KCTD15: variants seen among roughly 807,000 people sequenced by gnomAD.
KCTD15 encodes BTB/POZ domain-containing protein KCTD15.
A neutral mutation model predicts 27.2 loss-of-function variants in KCTD15; 11 were observed. The observed-to-expected ratio is 0.41, with a 90% CI of 0.25 to 0.67. The LOEUF (loss-of-function observed/expected upper bound fraction) is 0.67, where lower values mean the gene tolerates loss of function less well. Ranked by LOEUF, KCTD15 falls within the 30% of genes least tolerant of loss-of-function variation. KCTD15 has a pLI of 0.35. For synonymous variants in KCTD15, 163 were observed against 176.0 expected (o/e 0.93, Z 0.58); for missense variants, 350 against 409.3 (o/e 0.86, Z 1.25).
rs1247118030 is a variant in KCTD15, at chr19:33,811,174, G to A, written c.388-73G>A. 6 of 1,069,396 alleles carry A rather than the reference G, an allele frequency of 5.6e-6. No homozygotes were observed. The African/African-American group carries it at 6.4e-5, about 11-fold the overall frequency. The allele number at this position is 1,069,396 out of a possible 1,614,324, so 66.2% of individuals were successfully genotyped here. A position where few individuals can be genotyped will look rare whatever the true frequency, so the allele number is the denominator to read the frequency against. On this transcript the variant is annotated intron_variant, in intron 5 of 6. Coordinates refer to ENST00000683859, the MANE Select transcript of KCTD15 (RefSeq NM_001129994.2). ...CAGAATTGGTTGGAACCGGCAGGCC[G>A]CCTCCCCTCTCCCCCTTCCCCCACC...
chr19:33,806,717 C>G, intron 4 of KCTD15, 146 bp from the exon 5 acceptor site: 1 of 839,170 alleles, frequency 1.2e-6, no homozygotes, highest in Non-Finnish European at 1.8e-6. Context: ...CAGATGTTGT[C>G]AGGCCTGGAA....
chr19:33,806,593 G>GT (rs1191845703), intron 4 of KCTD15, among the ~76,000 whole-genome samples: 2 of 152,184 alleles, frequency 1.3e-5, no homozygotes, highest in Non-Finnish European at 2.9e-5. Flanking sequence ...CATAACGTGT[G>GT]TTGGCAGGCT....
rs1975994171 is a variant in KCTD15, at chr19:33,813,408, C to G, written c.*460C>G. 2.2e-6 allele frequency: 1 copy of G among 459,406 alleles called. No homozygotes were observed. The highest frequency in any genetic ancestry group is 2.3e-5 in the Admixed American group (1 of 42,616). The allele number at this position is 459,406 out of a possible 1,614,324, so 28.5% of individuals were successfully genotyped here. A position where few individuals can be genotyped will look rare whatever the true frequency, so the allele number is the denominator to read the frequency against. ...GCCCTAACTGCAAAAGTCAGAGAGG[C>G]TGACAAGGACCAATGCTTCTTTATC... On this transcript the variant is annotated 3_prime_UTR_variant, in exon 7 of 7. Coordinates refer to ENST00000683859, the MANE Select transcript of KCTD15 (RefSeq NM_001129994.2).
chr19:33,812,851 A>G lies in KCTD15; in HGVS notation c.755A>G (p.Asp252Gly). ...GCTGCGTCCTGTGGGGGCGGTGTGGACTCCTCCCAGTTCAGCGAGTATGTG... is the reference window on the plus strand; with the variant it reads ...GCTGCGTCCTGTGGGGGCGGTGTGGGCTCCTCCCAGTTCAGCGAGTATGTG... ...SVAASCGGGV[D>G]SSQFSEYVLC... The change falls in exon 7 of 7, where the codon GAC (aspartate) becomes GGC (glycine). Residue 252 changes from aspartate to glycine, a missense_variant. Asp to Gly is a moderately conservative substitution (Grantham distance 94, BLOSUM62 -1). Around this residue, in one of 3 missense-constraint regions of KCTD15, gnomAD observed 219 missense variants for 234.9 expected, o/e 0.93. Transcript: ENST00000683859. 1.3e-6 allele frequency: 2 copies of G among 1,538,616 alleles called. No homozygotes were observed. Among genetic ancestry groups the G allele is most frequent in the Non-Finnish European group, 1.8e-6 (2 of 1,140,746 alleles).
chr19:33,798,030 A>C (rs1975403691), intron 1 of KCTD15, among the ~76,000 whole-genome samples: 1 of 151,664 alleles, frequency 6.6e-6, no homozygotes, highest in African/African-American at 2.4e-5. Context: ...CCTTGGCCCA[A>C]GCCCTCTCCC....
intron 3 of KCTD15, among the ~76,000 whole-genome samples, 190 bp from the exon 4 acceptor site, chr19:33,800,977 A>G (rs1399189655): frequency 6.6e-6 from 1 of 152,170 alleles, no homozygotes; most frequent in Admixed American, 6.5e-5. Flanking sequence ...TTTGAAGAAA[A>G]TGATGCAAAT....
At chr19:33,801,427 C>T in intron 4 of KCTD15, 85 bp downstream of exon 4, 2 of 1,216,578 alleles carry the variant, frequency 1.6e-6, no homozygotes, top group Non-Finnish European at 2.2e-6. Flanking sequence ...GGGTCTCTCC[C>T]CACTGTCACT....
chr19:33,797,516 C>T (rs887208466), intron 1 of KCTD15: 1 of 384,846 alleles, frequency 2.6e-6, no homozygotes, highest in South Asian at 1.8e-5. Flanking sequence ...GAGGGGCTGT[C>T]GCGCTGGTGG....
At chr19:33,809,169 C>G (rs969457720) in intron 5 of KCTD15, among the ~76,000 whole-genome samples, 1 of 151,858 alleles carries the variant, frequency 6.6e-6, no homozygotes, top group Non-Finnish European at 1.5e-5. Context: ...CCCAGCTACT[C>G]GGGAGACTGA....
chr19:33,802,934 C>T (rs1975604649), intron 4 of KCTD15, among the ~76,000 whole-genome samples: 1 of 152,200 alleles, frequency 6.6e-6, no homozygotes, highest in African/African-American at 2.4e-5. Flanking sequence ...CTCTTGGCTG[C>T]TGCCTGAGAG....
chr19:33,813,227 CCTCTGAGGCCCCGGGG>C lies in KCTD15; in HGVS notation c.*281_*296del, dbSNP rs1335546242. ...TCAGCTTCGCAGCCTGGCGCAGCAT[CCTCTGAGGCCCCGGGG>C]CCTGTTGGGGCGGGGTTGGAAGAGC... On this transcript the variant is annotated 3_prime_UTR_variant, in exon 7 of 7. Transcript: ENST00000683859. 4.7e-5 allele frequency: 30 copies of C among 636,272 alleles called. No homozygotes were observed. Among genetic ancestry groups the C allele is most frequent in the Non-Finnish European group, 7.5e-5 (26 of 345,198 alleles). 39.4% of individuals were successfully genotyped at this position (636,272 alleles called of 1,614,324 possible).
rs533497878 is a variant in KCTD15 at position 33,813,254 on chromosome 19, C to T, written c.*306C>T. 2.9e-5 allele frequency: 18 copies of T among 615,858 alleles called. No homozygotes were observed. The highest frequency in any genetic ancestry group is 6.7e-5 in the East Asian group (2 of 29,776). 38.1% of individuals were successfully genotyped at this position (615,858 alleles called of 1,614,324 possible). On this transcript the variant is annotated 3_prime_UTR_variant, in exon 7 of 7. Transcript: ENST00000683859. ...TCTGAGGCCCCGGGGCCTGTTGGGG[C>T]GGGGTTGGAAGAGCCGTCTGCAGCT...
chr19:33,797,345 C>G (rs1229444456), intron 1 of KCTD15: 8 of 446,944 alleles, frequency 1.8e-5, no homozygotes, highest in Non-Finnish European at 3.6e-5. Flanking sequence ...CTGGGCCGAG[C>G]GCCCTGCAGA....
Position 33,813,355 on chromosome 19 carries a change from A to AT in KCTD15, c.*411dup, listed in dbSNP as rs60235724. 316,211 of 474,942 alleles carry AT rather than the reference A, an allele frequency of 0.67. 108,702 individuals carry two copies. Among genetic ancestry groups the AT allele is most frequent in the African/African-American group, 0.87 (44,129 of 50,886 alleles). 29.4% of individuals were successfully genotyped at this position (474,942 alleles called of 1,614,324 possible). On this transcript the variant is annotated 3_prime_UTR_variant, in exon 7 of 7. Transcript: ENST00000683859. ...TCTCCTAGCGTCCGAGAGATGGCTT[A>AT]TTTTCTACAGTATTTAAAATGGATG... is the stretch of plus-strand genomic sequence containing the variant.
rs1301132934 is a variant in KCTD15, at chr19:33,813,368, T to C, written c.*420T>C. 5 of 468,938 alleles carry C rather than the reference T, an allele frequency of 1.1e-5. No homozygotes were observed. The highest frequency in any genetic ancestry group is 2.0e-5 in the African/African-American group (1 of 50,542). 29.0% of individuals were successfully genotyped at this position (468,938 alleles called of 1,614,324 possible). ...GAGAGATGGCTTATTTTCTACAGTA[T>C]TTAAAATGGATGCAGCCCTAACTGC... On this transcript the variant is annotated 3_prime_UTR_variant, in exon 7 of 7. Transcript: ENST00000683859.
At position 33,811,063 on chromosome 19, in the gene KCTD15, A is replaced by G. The variant is rs199759847; in HGVS notation, c.388-184A>G. 3.0e-4 allele frequency among the ~76,000 whole-genome samples: 45 copies of G among 152,228 alleles called. No individual in the cohort carries two copies. The East Asian group carries it at 8.5e-3, about 29-fold the overall frequency. The stretch of plus-strand genomic sequence containing the variant: ...CCCTTGGGACAAGGCTAGGTTCTTT[A>G]TACTTGCAAACCACTCAGTTGCCCC... On this transcript the variant is annotated intron_variant, in intron 5 of 6. Transcript: ENST00000683859.
At chr19:33,811,768 C>CG in intron 6 of KCTD15, 1 of 1,430,872 alleles carries the variant, frequency 7.0e-7, no homozygotes, top group Non-Finnish European at 9.6e-7. Context: ...TCGATCTGTA[C>CG]TTTTTTTTTT....
intron 1 of KCTD15, chr19:33,798,136 C>T (rs998952842): frequency 2.6e-5 from 4 of 152,210 alleles, no homozygotes; most frequent in African/African-American, 7.2e-5. Flanking sequence ...CCGCCTGCCT[C>T]TCCGGGGCCA....
chr19:33,800,142 G>A (rs186400860), intron 2 of KCTD15, among the ~76,000 whole-genome samples: 8 of 152,334 alleles, frequency 5.3e-5, no homozygotes, highest in Admixed American at 3.9e-4. Context: ...TTTCAGTGCT[G>A]TCATTAGCCG....
Sources: allele counts gnomAD v4.1 joint callset (sites outside exome capture counted in the v4.1 genomes callset), GRCh38; gene constraint gnomAD v4.1.1; regional missense constraint gnomAD v4.1.1; transcripts MANE v1.5; gene names NCBI Gene and HGNC (gene_info 2026-07-23, HGNC 2026-07-21).